The following ULK2 variants were observed in gnomAD, a reference collection of about 807,000 sequenced individuals.
ULK2 encodes the protein serine/threonine-protein kinase ULK2.
A neutral mutation model predicts 127.5 loss-of-function variants in ULK2; 76 were observed. The observed-to-expected ratio is 0.60, with a 90% confidence interval of 0.50 to 0.72. The LOEUF (loss-of-function observed/expected upper bound fraction) is 0.72, where lower values mean the gene tolerates loss of function less well. ULK2 is among the 30% of genes least tolerant of loss of function. ULK2 has a pLI of 0.00. For synonymous variants in ULK2, 452 were observed against 461.9 expected, an observed-to-expected ratio of 0.98 and a Z score of 0.28; for missense variants, 1,144 against 1,295.9, an observed-to-expected ratio of 0.88 and a Z score of 1.80.
In ULK2 at chr17:19,775,619, C is replaced by A. The variant is rs1322881323; in HGVS notation, c.*730G>T. On this transcript the variant is annotated 3_prime_UTR_variant, in exon 27 of 27. Transcript: ENST00000395544. ...TTCACATGAATACAAGTTTTAACCA[C>A]TTAAAAGTTCACTGGAGATTACATG... is the stretch of plus-strand genomic sequence containing the variant. 2.0e-5 allele frequency: 3 copies of A among 151,760 alleles called. No homozygotes were observed. Among genetic ancestry groups the A allele is most frequent in the South Asian group, 4.2e-4 (2 of 4,814 alleles). The allele number at this position is 151,760 out of a possible 1,614,324, so 9.4% of individuals were successfully genotyped here. A position where few individuals can be genotyped will look rare whatever the true frequency, so the allele number is the denominator to read the frequency against.
chr17:19,836,543 T>C (rs746237482), intron 10 of ULK2, among the ~76,000 whole-genome samples: 3 of 151,836 alleles, frequency 2.0e-5, no homozygotes, highest in Non-Finnish European at 4.4e-5. Context: ...CCTGGGAAGT[T>C]GCAGTGAGCC....
At chr17:19,816,262 C>G (rs868490356) in intron 13 of ULK2, among the ~76,000 whole-genome samples, 7 of 152,062 alleles carry the variant, frequency 4.6e-5, no homozygotes, top group Middle Eastern at 6.8e-3. Context: ...TTTCTGGTAC[C>G]CTTCACTATT....
At chr17:19,792,112 T>C (rs2087168906) in intron 20 of ULK2, among the ~76,000 whole-genome samples, 3 of 151,960 alleles carry the variant, frequency 2.0e-5, no homozygotes, top group East Asian at 1.9e-4. Context: ...TAAAAGTGCC[T>C]ACACATCAAA....
At chr17:19,857,675 C>T (rs1471579643) in intron 3 of ULK2, among the ~76,000 whole-genome samples, 6 of 152,178 alleles carry the variant, frequency 3.9e-5, no homozygotes, top group Non-Finnish European at 8.8e-5. Context: ...GTACTTATCT[C>T]ATGCTCAGAG....
At chr17:19,852,825 T>C (rs2042047488) in intron 3 of ULK2, among the ~76,000 whole-genome samples, 1 of 151,738 alleles carries the variant, frequency 6.6e-6, no homozygotes, top group South Asian at 2.1e-4. Flanking sequence ...TGTTGTTTTG[T>C]ATTTTTAGTA....
intron 12 of ULK2, among the ~76,000 whole-genome samples, chr17:19,818,684 C>A (rs2041055881): frequency 6.6e-6 from 1 of 152,088 alleles, no homozygotes; most frequent in Non-Finnish European, 1.5e-5. Context: ...TTCATCCTCT[C>A]CTTTTGTTAT....
rs1597824472 is a variant in ULK2, at chr17:19,860,214, C to T, written c.225+4589G>A. ...CATCTCTTTTCTAATTTACCATTCACACAGTATTTGATTAACTGTGGGTAT... is the reference window on the plus strand; with the variant it reads ...CATCTCTTTTCTAATTTACCATTCATACAGTATTTGATTAACTGTGGGTAT... On this transcript the variant is annotated intron_variant, in intron 3 of 26. Transcript: ENST00000395544. Among the ~76,000 whole-genome samples the T allele has an allele frequency of 2.0e-5, 3 of 152,276 alleles. No individual in the cohort carries two copies. The South Asian group carries it at 6.2e-4, about 32-fold the overall frequency.
At chr17:19,781,662 T>G (rs1027719621) in intron 23 of ULK2, among the ~76,000 whole-genome samples, 11 of 152,160 alleles carry the variant, frequency 7.2e-5, no homozygotes, top group African/African-American at 2.7e-4. Context: ...TACAATCTAT[T>G]TACACAAAAG....
intron 12 of ULK2, among the ~76,000 whole-genome samples, chr17:19,824,446 C>CAAAA (rs397943235): frequency 2.0e-4 from 2 of 9,886 alleles, no homozygotes; most frequent in African/African-American, 4.2e-4. Context: ...AACTCCATCT[C>CAAAA]AAAAAAAAAA....
At chr17:19,854,097 G>C (rs568003958) in intron 3 of ULK2, among the ~76,000 whole-genome samples, 1 of 151,950 alleles carries the variant, frequency 6.6e-6, no homozygotes, top group Non-Finnish European at 1.5e-5. Context: ...CGGCCAACAC[G>C]GTGAAACCCA....
chr17:19,867,491 CGGGCCCGG>C lies in ULK2; in HGVS notation c.-82_-75del. The C allele has an allele frequency of 8.0e-7, 1 of 1,250,020 alleles. No individual in the cohort carries two copies. The highest frequency in any genetic ancestry group is 3.3e-5 in the East Asian group (1 of 30,446). The allele number at this position is 1,250,020 out of a possible 1,614,324, so 77.4% of individuals were successfully genotyped here. A position where few individuals can be genotyped will look rare whatever the true frequency, so the allele number is the denominator to read the frequency against. On this transcript the variant is annotated 5_prime_UTR_variant, in exon 1 of 27. The change abolishes the stop of an existing upstream ORF in the 5' untranslated region. Transcript: ENST00000395544. Reference sequence around the variant, plus strand: ...CGCAGGTATCAGCACCGCGGCTCCGCGGGCCCGGAGCGCGCCAGCGTGCGGCGGGTCTG... The same window carrying C: ...CGCAGGTATCAGCACCGCGGCTCCGCAGCGCGCCAGCGTGCGGCGGGTCTG...
rs118024130 is a variant in ULK2 at position 19,792,530 on chromosome 17, T to G, written c.2101+3092A>C. 4.8e-3 allele frequency among the ~76,000 whole-genome samples: 733 copies of G among 152,332 alleles called. 25 individuals are homozygous for G. The East Asian group carries it at 0.089, about 19-fold the overall frequency. On this transcript the variant is annotated intron_variant, in intron 20 of 26. Coordinates refer to ENST00000395544, the MANE Select transcript of ULK2 (RefSeq NM_014683.4). ...GAATGGTAAGAAAGTAAATTTCTGT[T>G]CATCATAAATTACGCAGTCTCAGAT...
chr17:19,837,468 C>T (rs1385458788), intron 10 of ULK2, among the ~76,000 whole-genome samples: 3 of 152,070 alleles, frequency 2.0e-5, no homozygotes, highest in Admixed American at 6.6e-5. Flanking sequence ...TGACAACTCC[C>T]CAATCTGTCC....
At chr17:19,788,335 A>G (rs2087079317) in intron 20 of ULK2, among the ~76,000 whole-genome samples, 1 of 151,444 alleles carries the variant, frequency 6.6e-6, no homozygotes, top group Non-Finnish European at 1.5e-5. Context: ...ACAAGAGATA[A>G]AGGTAAAAAG....
At chr17:19,825,659 A>G (rs1199061088) in intron 11 of ULK2, among the ~76,000 whole-genome samples, 2 of 151,220 alleles carry the variant, frequency 1.3e-5, no homozygotes, top group Non-Finnish European at 2.9e-5. Flanking sequence ...GTACCACTGC[A>G]CTCCAGCCTG....
chr17:19,780,437 A>C, intron 25 of ULK2, 35 bp downstream of exon 25: 1 of 1,532,214 alleles, frequency 6.5e-7, no homozygotes, highest in South Asian at 1.3e-5. Flanking sequence ...AAAGATAAGT[A>C]GTACTATACA....
chr17:19,776,441 GA>G, intron 26 of ULK2, 34 bp from the exon 27 acceptor site: 19 of 1,526,166 alleles, frequency 1.2e-5, no homozygotes, highest in Non-Finnish European at 1.6e-5. Context: ...AAGAACTAAT[GA>G]AAAAAATCAC....
intron 3 of ULK2, among the ~76,000 whole-genome samples, chr17:19,852,136 A>G (rs1393602312): frequency 1.3e-5 from 2 of 151,548 alleles, no homozygotes; most frequent in Non-Finnish European, 2.9e-5. Context: ...GAGGCAGGAG[A>G]ATGGCTTGAA....
chr17:19,855,221 T>C (rs559283329), intron 3 of ULK2, among the ~76,000 whole-genome samples: 96 of 150,164 alleles, frequency 6.4e-4, no homozygotes, highest in African/African-American at 2.3e-3. Flanking sequence ...TGGCTAACAC[T>C]GTGAAACCCC....
Sources: allele counts gnomAD v4.1 joint callset (sites outside exome capture counted in the v4.1 genomes callset), GRCh38; gene constraint gnomAD v4.1.1; transcripts MANE v1.5; gene names NCBI Gene and HGNC (gene_info 2026-07-23, HGNC 2026-07-21).